SMOX: variants seen among roughly 807,000 people sequenced by gnomAD.
SMOX encodes spermine oxidase.
In SMOX, 22 loss-of-function variants were observed where a neutral mutation model predicts 51.0. The observed-to-expected ratio is 0.43, with a 90% CI of 0.31 to 0.62. The LOEUF (loss-of-function observed/expected upper bound fraction) is 0.62, where lower values mean the gene tolerates loss of function less well. Among genes scored for constraint, SMOX ranks in the 20% least tolerant of loss-of-function variants. SMOX has a pLI of 0.10. For missense variants in SMOX, 566 were observed against 777.7 expected (o/e 0.73, Z 3.24); for synonymous variants, 282 against 307.8 (o/e 0.92, Z 0.88).
In SMOX at chr20:4,183,803, A is replaced by C. The variant is rs1009288827; in HGVS notation, c.1530+149A>C. 30 of 868,588 alleles carry C rather than the reference A, an allele frequency of 3.5e-5. No homozygotes were observed. Among genetic ancestry groups the C allele is most frequent in the Non-Finnish European group, 4.8e-5 (30 of 619,590 alleles). 53.8% of individuals were successfully genotyped at this position (868,588 alleles called of 1,614,324 possible). On this transcript the variant is annotated intron_variant, in intron 6 of 6. Transcript: ENST00000305958. This position sits in a 1 kb window ranked among gnomAD's most constrained non-coding sequence, Gnocchi z 4.3. ...TAGCTTCTGTAATGAGAGAGAACAC[A>C]AGGAAAAAAGTGTGCACTTAATATC...
chr20:4,161,997 G>A (rs983427878), intron 1 of SMOX, among the ~76,000 whole-genome samples: 2 of 152,160 alleles, frequency 1.3e-5, no homozygotes, highest in East Asian at 1.9e-4. Context: ...GGCAGCCACC[G>A]GGTGGCAGGG....
At chr20:4,173,193 C>G (rs1051339323) in intron 1 of SMOX, among the ~76,000 whole-genome samples, 3 of 152,310 alleles carry the variant, frequency 2.0e-5, no homozygotes, top group Admixed American at 2.0e-4. Flanking sequence ...GATATTTATT[C>G]CGTCTACCCC....
At position 4,182,861 on chromosome 20, in the gene SMOX, C is replaced by A. The variant is rs1187833609; in HGVS notation, c.1369+13C>A. 2 of 1,592,596 alleles carry A rather than the reference C, an allele frequency of 1.3e-6. No homozygotes were observed. The highest frequency in any genetic ancestry group is 3.3e-5 in the Admixed American group (2 of 59,714). On this transcript the variant is annotated intron_variant, in intron 5 of 6. Coordinates refer to ENST00000305958, the MANE Select transcript of SMOX (RefSeq NM_175839.3). The surrounding 1 kb of genome is among the most constrained non-coding windows in gnomAD (Gnocchi z 8.4). ...CGTCAGTTCACAGGTGCGCCACGTG[C>A]CCCACGACCCGCTTCCCCCACCCTG...
chr20:4,168,932 T>TTTATTTTATTTTATG (rs1986701898), intron 1 of SMOX, among the ~76,000 whole-genome samples: 3 of 129,566 alleles, frequency 2.3e-5, no homozygotes, highest in Non-Finnish European at 3.2e-5. Flanking sequence ...TTTATTTTAT[T>TTTATTTTATTTTATG]TTATTTTATT....
intron 1 of SMOX, among the ~76,000 whole-genome samples, chr20:4,159,358 C>A (rs1205653075): frequency 6.6e-6 from 1 of 152,134 alleles, no homozygotes; most frequent in Non-Finnish European, 1.5e-5. Flanking sequence ...GTGATCCGCC[C>A]ACTTCGACCT....
Position 4,182,963 on chromosome 20 carries a change from G to C in SMOX, c.1369+115G>C. On this transcript the variant is annotated intron_variant, in intron 5 of 6. Transcript: ENST00000305958. This position sits in a 1 kb window ranked among gnomAD's most constrained non-coding sequence, Gnocchi z 8.4. ...CCAGACCGTGAAGCTCGGATGCTGT[G>C]CCCCACGGGAGAGCCACTGCAGGGT... The C allele has an allele frequency of 2.8e-6, 4 of 1,412,586 alleles. No homozygotes were observed. The highest frequency in any genetic ancestry group is 3.7e-6 in the Non-Finnish European group (4 of 1,066,804). 87.5% of individuals were successfully genotyped at this position (1,412,586 alleles called of 1,614,324 possible).
At chr20:4,164,585 G>A (rs1036880953) in intron 1 of SMOX, among the ~76,000 whole-genome samples, 4 of 152,176 alleles carry the variant, frequency 2.6e-5, no homozygotes, top group East Asian at 1.9e-4. Flanking sequence ...AAGTTGGGTC[G>A]TCAAATGAAA....
chr20:4,180,927 G>A (rs1464562562), intron 3 of SMOX, among the ~76,000 whole-genome samples: 1 of 152,148 alleles, frequency 6.6e-6, no homozygotes, highest in African/African-American at 2.4e-5. Flanking sequence ...CACATTACAA[G>A]CTGTGTCCTG....
At chr20:4,150,882 A>T (rs1242341340) in intron 1 of SMOX, among the ~76,000 whole-genome samples, 1 of 128,758 alleles carries the variant, frequency 7.8e-6, no homozygotes, top group Non-Finnish European at 1.5e-5. Context: ...CCCAGGCTGG[A>T]GTGCAATGAC....
At position 4,172,370 on chromosome 20, in the gene SMOX, C is replaced by T. The variant is rs1465038116; in HGVS notation, c.-26-2660C>T. ...GCTGGCAGACATCCGGCGGCATCGC[C>T]GCTGACCCTCCCCGCCCGCCCCGTG... is the stretch of plus-strand genomic sequence containing the variant. On this transcript the variant is annotated intron_variant, in intron 1 of 6. Coordinates refer to ENST00000305958, the MANE Select transcript of SMOX (RefSeq NM_175839.3). The surrounding 1 kb of genome is among the most constrained non-coding windows in gnomAD (Gnocchi z 7.7). Among the ~76,000 whole-genome samples the T allele has an allele frequency of 6.6e-6, 1 of 152,188 alleles. No homozygotes were observed. The highest frequency in any genetic ancestry group is 1.5e-5 in the Non-Finnish European group (1 of 68,034).
In SMOX at chr20:4,182,703, C is replaced by T. The variant is rs769864257; in HGVS notation, c.1224C>T (p.Ile408=). 1 of 1,614,212 alleles carries T rather than the reference C, an allele frequency of 6.2e-7. No homozygotes were observed. The highest frequency in any genetic ancestry group is 1.7e-5 in the Admixed American group (1 of 60,030). ...CACCTGAGCTCTGGTACCGCAAGAT[C>T]TGCGGCTTTGATGTCCTCTACCCGC... ...TYPPELWYRK[I]CGFDVLYPPE... Residue 408 remains isoleucine, a synonymous_variant, in exon 5 of 7, where the codon ATC becomes ATT. Coordinates refer to ENST00000305958, the MANE Select transcript of SMOX (RefSeq NM_175839.3). This position sits in a 1 kb window ranked among gnomAD's most constrained non-coding sequence, Gnocchi z 8.4.
At chr20:4,184,244 C>G (rs1979572204) in intron 6 of SMOX, among the ~76,000 whole-genome samples, 2 of 151,754 alleles carry the variant, frequency 1.3e-5, no homozygotes, top group Admixed American at 1.3e-4. Flanking sequence ...TGTCCTCCCG[C>G]CTCAACCTCC....
At chr20:4,168,346 C>T (rs1175329878) in intron 1 of SMOX, among the ~76,000 whole-genome samples, 6 of 152,090 alleles carry the variant, frequency 3.9e-5, no homozygotes, top group Admixed American at 1.3e-4. Flanking sequence ...TTTTGGGGCA[C>T]TTCAGCTGGT....
rs991090030 is a variant in SMOX, at chr20:4,181,905, A to G, written c.538A>G (p.Ile180Val). The G allele has an allele frequency of 6.2e-7, 1 of 1,614,180 alleles. No homozygotes were observed. Among genetic ancestry groups the G allele is most frequent in the South Asian group, 1.1e-5 (1 of 91,080 alleles). The part of the protein sequence containing the change: ...VFTREEVRNR[I>V]RNDPDDPEAT... ...CACCCGAGAGGAGGTGCGTAACCGC[A>G]TCAGGAATGACCCTGACGACCCAGA... The change falls in exon 4 of 7, where the codon ATC (isoleucine) becomes GTC (valine). Residue 180 changes from isoleucine (I) to valine (V), a missense_variant. Ile to Val is a conservative substitution (Grantham distance 29, BLOSUM62 3). This residue lies in a region of SMOX where 217 missense variants were observed against 278.4 expected (regional missense o/e 0.78). Transcript: ENST00000305958. This position sits in a 1 kb window ranked among gnomAD's most constrained non-coding sequence, Gnocchi z 5.6.
chr20:4,183,289 GCCGGGGGTCA>G lies in SMOX; in HGVS notation c.1370-203_1370-194del. 1.5e-6 allele frequency: 1 copy of G among 650,594 alleles called. No individual in the cohort carries two copies. Among genetic ancestry groups the G allele is most frequent in the Non-Finnish European group, 2.6e-6 (1 of 380,300 alleles). The allele number at this position is 650,594 out of a possible 1,614,324, so 40.3% of individuals were successfully genotyped here. A position where few individuals can be genotyped will look rare whatever the true frequency, so the allele number is the denominator to read the frequency against. On this transcript the variant is annotated intron_variant, in intron 5 of 6. Transcript: ENST00000305958. This position sits in a 1 kb window ranked among gnomAD's most constrained non-coding sequence, Gnocchi z 4.3. ...TAGGAAAAGTAAGGTGGAGCGTTTT[GCCGGGGGTCA>G]CAGGAGGCGCTGAGTGGGTACACAG...
rs576440247 is a variant in SMOX at position 4,177,015 on chromosome 20, G to A, written c.209-336G>A. On this transcript the variant is annotated intron_variant, in intron 2 of 6. Transcript: ENST00000305958. The surrounding 1 kb of genome is among the most constrained non-coding windows in gnomAD (Gnocchi z 4.3). Reference sequence around the variant, plus strand: ...TCAGGTACCCACAGTGCTTCTCCCCGGTGAGGAGGCACCAGTGAGGAAGTG... The same window carrying A: ...TCAGGTACCCACAGTGCTTCTCCCCAGTGAGGAGGCACCAGTGAGGAAGTG... 4.6e-5 allele frequency among the ~76,000 whole-genome samples: 7 copies of A among 152,298 alleles called. No individual in the cohort carries two copies. In the South Asian group the frequency reaches 1.2e-3, roughly 27 times the overall value.
At chr20:4,160,473 G>A (rs6107414) in intron 1 of SMOX, among the ~76,000 whole-genome samples, 10,619 of 152,144 alleles carry the variant, frequency 0.07, 1,199 homozygotes, top group African/African-American at 0.24. Context: ...TCCAGGTGGC[G>A]TCTGTCATGC....
chr20:4,170,810 G>T lies in SMOX; in HGVS notation c.-26-4220G>T, dbSNP rs1312714607. Among the ~76,000 whole-genome samples the T allele has an allele frequency of 2.0e-5, 3 of 152,170 alleles. No homozygotes were observed. Among genetic ancestry groups the T allele is most frequent in the Non-Finnish European group, 4.4e-5 (3 of 68,036 alleles). On this transcript the variant is annotated intron_variant, in intron 1 of 6. Transcript: ENST00000305958. This position sits in a 1 kb window ranked among gnomAD's most constrained non-coding sequence, Gnocchi z 4.6. ...GGACACTTCAGTCAGGGTGGTGGTG[G>T]CTCTGGACAGCTGGGGGAGGCGGTG...
chr20:4,173,070 TG>T (rs1169774627), intron 1 of SMOX, among the ~76,000 whole-genome samples: 2 of 152,188 alleles, frequency 1.3e-5, no homozygotes, highest in Non-Finnish European at 2.9e-5. Context: ...AGGGCAGGAA[TG>T]ACTATCTTGT....
Sources: allele counts gnomAD v4.1 joint callset (sites outside exome capture counted in the v4.1 genomes callset), GRCh38; gene constraint gnomAD v4.1.1; regional missense constraint gnomAD v4.1.1; non-coding constraint Gnocchi (gnomAD v3.1); transcripts MANE v1.5; gene names NCBI Gene and HGNC (gene_info 2026-07-23, HGNC 2026-07-21).